BTRC: variants seen among roughly 807,000 people sequenced by gnomAD.
The protein encoded by BTRC is F-box/WD repeat-containing protein 1A.
Under a neutral mutation model 85.5 loss-of-function variants are expected in BTRC, and 42 were observed. That is an observed-to-expected ratio of 0.49 (90% CI 0.38 to 0.64). The LOEUF is 0.64. BTRC is among the 30% of genes least tolerant of loss of function. The pLI, the probability that BTRC is intolerant of heterozygous loss-of-function variation, is 0.00. For synonymous variants in BTRC, 255 were observed against 263.3 expected, an observed-to-expected ratio of 0.97 and a Z score of 0.30; for missense variants, 594 against 743.5, an observed-to-expected ratio of 0.80 and a Z score of 2.34.
chr10:101,527,673 G>C (rs763605614), intron 6 of BTRC, among the ~76,000 whole-genome samples: 7 of 152,034 alleles, frequency 4.6e-5, no homozygotes, highest in Non-Finnish European at 7.4e-5. Flanking sequence ...AGGATGGCTT[G>C]AGTCTGGGAA....
At chr10:101,420,682 CCT>C (rs1187677818) in intron 1 of BTRC, among the ~76,000 whole-genome samples, 1 of 151,952 alleles carries the variant, frequency 6.6e-6, no homozygotes, top group Non-Finnish European at 1.5e-5. Context: ...AACTCTGTGC[CCT>C]GTCCTTTTCC....
In BTRC at chr10:101,550,886, G is replaced by A; in HGVS notation, c.*26G>A. On this transcript the variant is annotated 3_prime_UTR_variant, in exon 14 of 15. Transcript: ENST00000370187. ...ATAACCATACACTGACCTCATACTT[G>A]CCCAGGTATCGAAATCGATTATGTA... 1.3e-6 allele frequency: 2 copies of A among 1,596,742 alleles called. No individual in the cohort carries two copies. Among genetic ancestry groups the A allele is most frequent in the Middle Eastern group, 3.3e-4 (2 of 5,996 alleles).
At chr10:101,513,615 C>A (rs755030171) in intron 4 of BTRC, among the ~76,000 whole-genome samples, 1 of 152,064 alleles carries the variant, frequency 6.6e-6, no homozygotes, top group Non-Finnish European at 1.5e-5. Context: ...GTGGTTTATT[C>A]TTTTTGTTGC....
chr10:101,382,959 C>G (rs1942973379), intron 1 of BTRC, among the ~76,000 whole-genome samples: 1 of 151,260 alleles, frequency 6.6e-6, no homozygotes, highest in Non-Finnish European at 1.5e-5. Flanking sequence ...CAACACACTA[C>G]TAAAGCTGCT....
intron 4 of BTRC, among the ~76,000 whole-genome samples, chr10:101,493,675 A>G (rs369924525): frequency 6.6e-6 from 1 of 152,236 alleles, no homozygotes; most frequent in South Asian, 2.1e-4. Context: ...AGAGTAATAC[A>G]TCTTAGGTTT....
intron 2 of BTRC, among the ~76,000 whole-genome samples, chr10:101,452,730 C>G (rs1392358451): frequency 6.6e-6 from 1 of 152,104 alleles, no homozygotes; most frequent in Non-Finnish European, 1.5e-5. Context: ...GAAAAGAGCA[C>G]TCCTTGAAAG....
At chr10:101,419,230 C>T (rs1382104255) in intron 1 of BTRC, among the ~76,000 whole-genome samples, 5 of 152,012 alleles carry the variant, frequency 3.3e-5, no homozygotes, top group Non-Finnish European at 5.9e-5. Context: ...AGGCTGGTCT[C>T]GAACTCCTGA....
rs141510284 is a variant in BTRC, at chr10:101,427,063, A to G, written c.49-3282A>G. ...AGATTTTTTTCTACCCAGCACACAC[A>G]GAAACTTAACCAATTGCGTATGTAC... On this transcript the variant is annotated intron_variant, in intron 1 of 14. Coordinates refer to ENST00000370187, the MANE Select transcript of BTRC (RefSeq NM_033637.4). 2.8e-4 allele frequency among the ~76,000 whole-genome samples: 43 copies of G among 151,172 alleles called. No individual in the cohort carries two copies. In the East Asian group the frequency reaches 8.1e-3, roughly 29 times the overall value.
chr10:101,462,318 A>G (rs1482533804), intron 3 of BTRC, among the ~76,000 whole-genome samples: 2 of 152,216 alleles, frequency 1.3e-5, no homozygotes, highest in Non-Finnish European at 2.9e-5. Context: ...TAATAAAGTT[A>G]GCCCTTTTAG....
chr10:101,507,344 T>C (rs1946569064), intron 4 of BTRC, among the ~76,000 whole-genome samples: 1 of 152,254 alleles, frequency 6.6e-6, no homozygotes, highest in African/African-American at 2.4e-5. Context: ...TCTCCTATTA[T>C]ATTTATCTTA....
intron 1 of BTRC, among the ~76,000 whole-genome samples, chr10:101,399,140 A>T (rs1415931136): frequency 6.6e-6 from 1 of 152,034 alleles, no homozygotes; most frequent in Non-Finnish European, 1.5e-5. Flanking sequence ...TTTTTAGTAG[A>T]GATGGGGTTT....
chr10:101,371,750 G>C (rs1316167091), intron 1 of BTRC, among the ~76,000 whole-genome samples: 1 of 152,072 alleles, frequency 6.6e-6, no homozygotes, highest in Non-Finnish European at 1.5e-5. Flanking sequence ...TCCGTGAGAA[G>C]TTTTATTTAC....
At chr10:101,449,548 G>A (rs1944907998) in intron 2 of BTRC, among the ~76,000 whole-genome samples, 1 of 151,990 alleles carries the variant, frequency 6.6e-6, no homozygotes, top group South Asian at 2.1e-4. Flanking sequence ...GAAAATCATG[G>A]CACAAAAAAA....
rs774921343 is a variant in BTRC at position 101,550,815 on chromosome 10, A to AC, written c.1780dup (p.Arg594ProfsTer27). The AC allele has an allele frequency of 1.7e-5, 28 of 1,613,512 alleles. No homozygotes were observed. The highest frequency in any genetic ancestry group is 2.2e-5 in the South Asian group (2 of 91,042). On this transcript the variant is annotated frameshift_variant, in exon 14 of 15. Transcript: ENST00000370187. LOFTEE classifies it high-confidence loss of function. ...TAAATGATCCAGCTGCCCAAGCTGA[A>AC]CCCCCCCGTTCCCCTTCTCGAACAT...
chr10:101,535,636 C>G lies in BTRC; in HGVS notation c.1466+164C>G, dbSNP rs531085239. Among the ~76,000 whole-genome samples, 3 of 152,316 alleles carry G rather than the reference C, an allele frequency of 2.0e-5. No individual in the cohort carries two copies. The South Asian group carries it at 6.2e-4, about 32-fold the overall frequency. ...AAGTTTGCCCCAGGCAGAGAAGCAG[C>G]ACAGCAAAGCCTTTTGTTGCCCTTC... On this transcript the variant is annotated intron_variant, in intron 11 of 14. Coordinates refer to ENST00000370187, the MANE Select transcript of BTRC (RefSeq NM_033637.4).
At chr10:101,407,196 A>G (rs1352733305) in intron 1 of BTRC, among the ~76,000 whole-genome samples, 1 of 152,068 alleles carries the variant, frequency 6.6e-6, no homozygotes, top group East Asian at 1.9e-4. Flanking sequence ...TGTCTGTACC[A>G]AAAAAATTAG....
In BTRC at chr10:101,526,064, A is replaced by C. The variant is rs1227807092; in HGVS notation, c.608A>C (p.Lys203Thr). The C allele has an allele frequency of 1.2e-6, 2 of 1,614,170 alleles. No homozygotes were observed. The highest frequency in any genetic ancestry group is 1.1e-5 in the South Asian group (1 of 91,084). Residue 203 changes from lysine to threonine, a missense_variant, in exon 6 of 15, where the codon AAA (lysine) becomes ACA (threonine). Physicochemically the swap from Lys to Thr is moderately conservative, Grantham distance 78 (BLOSUM62 -1). Transcript: ENST00000370187. The part of the protein sequence containing the change: ...AENILSYLDA[K>T]SLCAAELVCK... ...AACATTCTGTCATACCTGGATGCCA[A>C]ATCACTATGTGCTGCTGAACTTGTG...
chr10:101,445,269 A>T (rs891293097), intron 2 of BTRC, among the ~76,000 whole-genome samples: 3 of 152,180 alleles, frequency 2.0e-5, no homozygotes, highest in Admixed American at 2.0e-4. Context: ...CAGCTCTCAA[A>T]TATGTCCCTT....
intron 2 of BTRC, among the ~76,000 whole-genome samples, chr10:101,436,693 T>C (rs1048562528): frequency 2.0e-5 from 3 of 152,060 alleles, no homozygotes; most frequent in African/African-American, 4.8e-5. Flanking sequence ...TAGAATACTT[T>C]AGCTATCAAG....
Sources: gnomAD v4.1 joint callset for allele counts (sites outside exome capture counted in the v4.1 genomes callset) on GRCh38, gnomAD v4.1.1 for gene constraint, MANE v1.5 for transcripts, NCBI Gene and HGNC (gene_info 2026-07-23, HGNC 2026-07-21) for gene names.